Variants in ATP6V1C1 observed in about 807,000 individuals in gnomAD.
The protein encoded by ATP6V1C1 is ATPase H+ transporting V1 subunit C1.
Under a neutral mutation model 53.9 loss-of-function variants are expected in ATP6V1C1, and 45 were observed. The observed-to-expected ratio is 0.83, with a 90% CI of 0.66 to 1.07. The LOEUF is 1.07. Among genes scored for constraint, ATP6V1C1 ranks in the 50% least tolerant of loss-of-function variants. ATP6V1C1 has a pLI of 0.00. For synonymous variants in ATP6V1C1, 153 were observed against 155.2 expected (o/e 0.99, Z 0.11); for missense variants, 315 against 440.3 (o/e 0.72, Z 2.55).
At chr8:103,066,801 C>T (rs955602577) in intron 12 of ATP6V1C1, among the ~76,000 whole-genome samples, 3 of 151,800 alleles carry the variant, frequency 2.0e-5, no homozygotes, top group Non-Finnish European at 2.9e-5. Flanking sequence ...TTGGTAGAAG[C>T]GATAGAGTCA....
At chr8:103,023,760 T>C (rs1816640970) in intron 1 of ATP6V1C1, among the ~76,000 whole-genome samples, 1 of 152,242 alleles carries the variant, frequency 6.6e-6, no homozygotes, top group Non-Finnish European at 1.5e-5. Flanking sequence ...TAAAGTGATT[T>C]GGCTGAGTCC....
chr8:103,067,392 G>A lies in ATP6V1C1; in HGVS notation c.1053+945G>A, dbSNP rs1317783092. The stretch of plus-strand genomic sequence containing the variant: ...AGCCTGGGTGACAGAGGGAGACTCC[G>A]TCCCAAAAAAAAAAAAAAAAAAAAT... On this transcript the variant is annotated intron_variant, in intron 12 of 12. Coordinates refer to ENST00000518738, the MANE Select transcript of ATP6V1C1 (RefSeq NM_001695.5). Among the ~76,000 whole-genome samples the A allele has an allele frequency of 6.1e-5, 7 of 114,078 alleles. No homozygotes were observed. The East Asian group carries it at 7.4e-4, about 12-fold the overall frequency. The allele number at this position is 114,078 out of a possible 152,430, so 74.8% of individuals were successfully genotyped here.
In ATP6V1C1 at chr8:103,063,134, G is replaced by C; in HGVS notation, c.735-1G>C. ...TTTTGTTTTTTTTCCCCCAAATTTA[G>C]ATTCATTGTTCGTGACTTCCAGTAT... On this transcript the variant is annotated splice_acceptor_variant, in intron 9 of 12. Transcript: ENST00000518738. LOFTEE classifies it high-confidence loss of function. 6.2e-7 allele frequency: 1 copy of C among 1,612,602 alleles called. No homozygotes were observed. Among genetic ancestry groups the C allele is most frequent in the Non-Finnish European group, 8.5e-7 (1 of 1,179,014 alleles).
intron 1 of ATP6V1C1, among the ~76,000 whole-genome samples, chr8:103,037,414 T>C (rs1314975065): frequency 1.3e-5 from 2 of 152,084 alleles, no homozygotes; most frequent in African/African-American, 4.8e-5. Context: ...ACTCCAGAGC[T>C]CAAGTGATCC....
intron 2 of ATP6V1C1, among the ~76,000 whole-genome samples, chr8:103,041,402 A>G (rs942174406): frequency 5.3e-5 from 8 of 152,318 alleles, no homozygotes; most frequent in Middle Eastern, 3.4e-3. Flanking sequence ...CGGTTAATCT[A>G]TGTAAGATTC....
chr8:103,053,988 T>C lies in ATP6V1C1; in HGVS notation c.572+6T>C, dbSNP rs1192634021. ...TTACTGGTAGTAGTTCCCAAGTAAGTCTTTCTATTATAAAAGGTTTTACTT... is the reference window on the plus strand; with the variant it reads ...TTACTGGTAGTAGTTCCCAAGTAAGCCTTTCTATTATAAAAGGTTTTACTT... On this transcript the variant is annotated splice_donor_region_variant and intron_variant, in intron 7 of 12. Transcript: ENST00000518738. 6.3e-7 allele frequency: 1 copy of C among 1,594,852 alleles called. No individual in the cohort carries two copies. The highest frequency in any genetic ancestry group is 8.6e-7 in the Non-Finnish European group (1 of 1,167,234).
chr8:103,040,682 C>A, intron 1 of ATP6V1C1, 116 bp from the exon 2 acceptor site: 2 of 862,548 alleles, frequency 2.3e-6, no homozygotes, highest in South Asian at 2.4e-5. Context: ...AGATCCTATG[C>A]CAACATTAGA....
intron 1 of ATP6V1C1, among the ~76,000 whole-genome samples, chr8:103,034,773 G>A (rs948973292): frequency 3.3e-5 from 5 of 151,988 alleles, no homozygotes; most frequent in East Asian, 1.9e-4. Flanking sequence ...GTTTTGTCAT[G>A]TTGGGCAGGC....
In ATP6V1C1 at chr8:103,023,660, A is replaced by G. The variant is rs572098911; in HGVS notation, c.-40+2435A>G. Among the ~76,000 whole-genome samples the G allele has an allele frequency of 4.6e-5, 7 of 152,274 alleles. No individual in the cohort carries two copies. The East Asian group carries it at 1.3e-3, about 29-fold the overall frequency. On this transcript the variant is annotated intron_variant, in intron 1 of 12. Transcript: ENST00000518738. The stretch of plus-strand genomic sequence containing the variant: ...ATAGTTACAGGGAGGGATCACTTTC[A>G]TATTTATTTTGTTCTCACAGTTCTT...
intron 1 of ATP6V1C1, among the ~76,000 whole-genome samples, chr8:103,040,206 G>T (rs1389373159): frequency 6.6e-6 from 1 of 151,012 alleles, no homozygotes; most frequent in Non-Finnish European, 1.5e-5. Flanking sequence ...TTGAGGCCAG[G>T]AGTTCAAGAC....
intron 1 of ATP6V1C1, 39 bp from the exon 2 acceptor site, chr8:103,040,759 A>G: frequency 6.6e-7 from 1 of 1,521,988 alleles, no homozygotes; most frequent in Non-Finnish European, 8.9e-7. Flanking sequence ...GAAACAAATG[A>G]TTTTAAATGT....
At chr8:103,023,932 G>T (rs2048550) in intron 1 of ATP6V1C1, among the ~76,000 whole-genome samples, 87,087 of 151,778 alleles carry the variant, frequency 0.57, 27,178 homozygotes, top group African/African-American at 0.84. Context: ...TCCCTGAAGA[G>T]TCAGCACTTT....
rs1365192908 is a variant in ATP6V1C1 at position 103,062,970 on chromosome 8, C to T, written c.657C>T (p.Asp219=). The T allele has an allele frequency of 6.2e-7, 1 of 1,613,390 alleles. No homozygotes were observed. The highest frequency in any genetic ancestry group is 1.7e-5 in the Admixed American group (1 of 59,994). ...VPRSSNVLSE[D]QDSYLCNVTL... ...TTTTCCATAGTGTTCTTTCAGAGGA[C>T]CAAGACAGTTACCTGTGTAATGTCA... Residue 219 remains aspartate, a synonymous_variant, in exon 9 of 13, where the codon GAC becomes GAT. Coordinates refer to ENST00000518738, the MANE Select transcript of ATP6V1C1 (RefSeq NM_001695.5).
chr8:103,044,659 G>T (rs193266719), intron 3 of ATP6V1C1, among the ~76,000 whole-genome samples: 10 of 149,082 alleles, frequency 6.7e-5, no homozygotes, highest in African/African-American at 2.5e-4. Context: ...AAATCAGAAA[G>T]TGTGAATTCT....
At chr8:103,041,907 T>C (rs527484115) in intron 2 of ATP6V1C1, among the ~76,000 whole-genome samples, 4 of 152,140 alleles carry the variant, frequency 2.6e-5, no homozygotes, top group Admixed American at 6.5e-5. Flanking sequence ...AAATGACCGA[T>C]TTTTAATATT....
chr8:103,023,056 A>G (rs1816625699), intron 1 of ATP6V1C1, among the ~76,000 whole-genome samples: 1 of 152,184 alleles, frequency 6.6e-6, no homozygotes, highest in Non-Finnish European at 1.5e-5. Context: ...CTGTCTCTGA[A>G]AAACGAAAAA....
At chr8:103,054,927 G>A (rs1463482849) in intron 7 of ATP6V1C1, among the ~76,000 whole-genome samples, 3 of 152,030 alleles carry the variant, frequency 2.0e-5, no homozygotes, top group African/African-American at 7.2e-5. Context: ...AATTTACAGT[G>A]GCTACAGTAG....
chr8:103,067,833 C>T (rs1167250507), intron 12 of ATP6V1C1, among the ~76,000 whole-genome samples: 1 of 152,080 alleles, frequency 6.6e-6, no homozygotes, highest in Non-Finnish European at 1.5e-5. Context: ...GATCCGCCCA[C>T]CTCGGCCTCC....
chr8:103,026,764 G>A (rs1816703695), intron 1 of ATP6V1C1, among the ~76,000 whole-genome samples: 1 of 152,206 alleles, frequency 6.6e-6, no homozygotes, highest in Admixed American at 6.5e-5. Flanking sequence ...AGTGAGCCGA[G>A]ATCGCGCCAG....
Sources: allele counts gnomAD v4.1 joint callset (sites outside exome capture counted in the v4.1 genomes callset), GRCh38; gene constraint gnomAD v4.1.1; transcripts MANE v1.5; gene names NCBI Gene and HGNC (gene_info 2026-07-23, HGNC 2026-07-21).